ELAVL3: variants seen among roughly 807,000 people sequenced by gnomAD.
ELAVL3 encodes the protein ELAV like RNA binding protein 3, also known as ELAV-like protein 3.
Under a neutral mutation model 34.2 loss-of-function variants are expected in ELAVL3, and 8 were observed. The observed-to-expected ratio is 0.23, with a 90% CI of 0.14 to 0.42. The LOEUF (loss-of-function observed/expected upper bound fraction) is 0.42, where lower values mean the gene tolerates loss of function less well. Among genes scored for constraint, ELAVL3 ranks in the 10% least tolerant of loss-of-function variants. The probability of loss-of-function intolerance (pLI) is 1.00; values close to 1 mark genes in which losing one functional copy is unlikely to be tolerated. For synonymous variants in ELAVL3, 209 were observed against 222.1 expected (o/e 0.94, Z 0.53); for missense variants, 273 against 518.8 (o/e 0.53, Z 4.60).
intron 1 of ELAVL3, among the ~76,000 whole-genome samples, chr19:11,472,038 T>C (rs1047907270): frequency 6.6e-6 from 1 of 152,178 alleles, no homozygotes; most frequent in African/African-American, 2.4e-5. Flanking sequence ...CACATAGGTT[T>C]ACCCTCACTT....
At chr19:11,469,238 C>G (rs913467161) in intron 1 of ELAVL3, among the ~76,000 whole-genome samples, 1 of 151,186 alleles carries the variant, frequency 6.6e-6, no homozygotes, top group African/African-American at 2.4e-5. Flanking sequence ...CATTTTTTAG[C>G]TTTAATACAT....
rs1970683270 is a variant in ELAVL3, at chr19:11,452,866, G to A, written c.*1660C>T. The A allele has an allele frequency of 6.6e-6, 1 of 152,092 alleles. No individual in the cohort carries two copies. Among genetic ancestry groups the A allele is most frequent in the Non-Finnish European group, 1.5e-5 (1 of 68,012 alleles). 9.4% of individuals were successfully genotyped at this position (152,092 alleles called of 1,614,324 possible). ...TTTTTTAAAGAAAGAAAACTAGGGC[G>A]ATGCAATGTCCAGACAGAAGCCGGG... On this transcript the variant is annotated 3_prime_UTR_variant, in exon 7 of 7. Transcript: ENST00000359227.
Position 11,479,645 on chromosome 19 carries a change from G to A in ELAVL3, c.9+955C>T, listed in dbSNP as rs1041429502. On this transcript the variant is annotated intron_variant, in intron 1 of 6. Coordinates refer to ENST00000359227, the MANE Select transcript of ELAVL3 (RefSeq NM_001420.4). ...GCTCGGGCGAGGCCGGGCCCCCGGG[G>A]CCCTGGGGGCGGGGCCTAGATGGGC... Among the ~76,000 whole-genome samples, 83 of 151,706 alleles carry A rather than the reference G, an allele frequency of 5.5e-4. 1 individual carries two copies. The highest frequency in any genetic ancestry group is 2.0e-3 in the African/African-American group (81 of 41,452).
chr19:11,475,061 C>T (rs1170346192), intron 1 of ELAVL3, among the ~76,000 whole-genome samples: 2 of 152,128 alleles, frequency 1.3e-5, no homozygotes, highest in African/African-American at 4.8e-5. Flanking sequence ...CTCCTGATCT[C>T]GTGATCCACT....
chr19:11,461,871 C>T (rs1970892535), intron 3 of ELAVL3, among the ~76,000 whole-genome samples: 1 of 152,148 alleles, frequency 6.6e-6, no homozygotes, highest in Admixed American at 6.5e-5. Flanking sequence ...GAGTGTATGC[C>T]TCCATTAGAA....
At chr19:11,473,352 G>A (rs952781221) in intron 1 of ELAVL3, among the ~76,000 whole-genome samples, 3 of 152,022 alleles carry the variant, frequency 2.0e-5, no homozygotes, top group African/African-American at 2.4e-5. Flanking sequence ...GCGACAGAGC[G>A]AGACTCCCTC....
At position 11,454,131 on chromosome 19, in the gene ELAVL3, A is replaced by C; in HGVS notation, c.*395T>G. On this transcript the variant is annotated 3_prime_UTR_variant, in exon 7 of 7. Transcript: ENST00000359227. This position sits in a 1 kb window ranked among gnomAD's most constrained non-coding sequence, Gnocchi z 9.2. ...CCTAGGTGCTGGGGAGGCCTGGGCA[A>C]GGGGGTCTGGGAGGGCACCCCCTGG... The C allele has an allele frequency of 5.7e-6, 1 of 176,290 alleles. No individual in the cohort carries two copies. The highest frequency in any genetic ancestry group is 1.2e-5 in the Non-Finnish European group (1 of 82,546). 10.9% of individuals were successfully genotyped at this position (176,290 alleles called of 1,614,324 possible).
Position 11,458,695 on chromosome 19 carries a change from C to T in ELAVL3, c.334-84G>A, listed in dbSNP as rs1009692692. 1.9e-6 allele frequency: 3 copies of T among 1,545,770 alleles called. No individual in the cohort carries two copies. Among genetic ancestry groups the T allele is most frequent in the Non-Finnish European group, 2.6e-6 (3 of 1,138,598 alleles). ...GAGTGAGGCCATGTCTAAACCATCA[C>T]GGAGTTAGCAGAAGTGACCCATCCG... On this transcript the variant is annotated intron_variant, in intron 3 of 6. Coordinates refer to ENST00000359227, the MANE Select transcript of ELAVL3 (RefSeq NM_001420.4). This position sits in a 1 kb window ranked among gnomAD's most constrained non-coding sequence, Gnocchi z 7.3.
chr19:11,472,571 T>G (rs1360284517), intron 1 of ELAVL3, among the ~76,000 whole-genome samples: 1 of 150,064 alleles, frequency 6.7e-6, no homozygotes, highest in Admixed American at 6.7e-5. Flanking sequence ...CATGGTGGCT[T>G]GCACCTGTGG....
intron 3 of ELAVL3, among the ~76,000 whole-genome samples, chr19:11,465,294 A>C (rs866987271): frequency 1.0e-4 from 12 of 116,938 alleles, no homozygotes; most frequent in Admixed American, 5.5e-4. Context: ...CACACACACC[A>C]CACACACACA....
In ELAVL3 at chr19:11,457,103, C is replaced by G; in HGVS notation, c.752+7G>C. ...GGGTGGGGACAGTGGGGCGGGGTCA[C>G]TGTTACCTCTTGACGCCGTAGGCCA... On this transcript the variant is annotated splice_region_variant and intron_variant, in intron 6 of 6. Coordinates refer to ENST00000359227, the MANE Select transcript of ELAVL3 (RefSeq NM_001420.4). 1 of 1,527,868 alleles carries G rather than the reference C, an allele frequency of 6.5e-7. No individual in the cohort carries two copies. The highest frequency in any genetic ancestry group is 1.3e-5 in the South Asian group (1 of 76,888). The allele number at this position is 1,527,868 out of a possible 1,614,324, so 94.6% of individuals were successfully genotyped here. A position where few individuals can be genotyped will look rare whatever the true frequency, so the allele number is the denominator to read the frequency against.
At chr19:11,468,608 G>A (rs952959566) in intron 1 of ELAVL3, among the ~76,000 whole-genome samples, 1 of 151,352 alleles carries the variant, frequency 6.6e-6, no homozygotes, top group African/African-American at 2.4e-5. Flanking sequence ...TAGTAGAGAC[G>A]GGGTTTCACT....
At chr19:11,474,206 T>A (rs1302186338) in intron 1 of ELAVL3, among the ~76,000 whole-genome samples, 5 of 151,940 alleles carry the variant, frequency 3.3e-5, no homozygotes, top group South Asian at 2.1e-4. Flanking sequence ...CTAATTTTTT[T>A]AATTTTTTGT....
chr19:11,454,429 T>G lies in ELAVL3; in HGVS notation c.*97A>C. On this transcript the variant is annotated 3_prime_UTR_variant, in exon 7 of 7. Transcript: ENST00000359227. The surrounding 1 kb of genome is among the most constrained non-coding windows in gnomAD (Gnocchi z 9.2). Reference sequence around the variant, plus strand: ...CTCGCGTCGTCCGTGGGGCTGCCTGTGCTGTCTCTCTTGGGCCCCTTCTCT... The same window carrying G: ...CTCGCGTCGTCCGTGGGGCTGCCTGGGCTGTCTCTCTTGGGCCCCTTCTCT... The G allele has an allele frequency of 8.2e-7, 1 of 1,215,602 alleles. No homozygotes were observed. Among genetic ancestry groups the G allele is most frequent in the Non-Finnish European group, 1.1e-6 (1 of 894,600 alleles). The allele number at this position is 1,215,602 out of a possible 1,614,324, so 75.3% of individuals were successfully genotyped here. A position where few individuals can be genotyped will look rare whatever the true frequency, so the allele number is the denominator to read the frequency against.
At chr19:11,456,382 G>C (rs1218906358) in intron 6 of ELAVL3, among the ~76,000 whole-genome samples, 1 of 152,174 alleles carries the variant, frequency 6.6e-6, no homozygotes, top group Non-Finnish European at 1.5e-5. Flanking sequence ...GGGATTACAG[G>C]CGTGAGCCAC....
At chr19:11,461,179 TA>T (rs555482832) in intron 3 of ELAVL3, among the ~76,000 whole-genome samples, 79 of 142,918 alleles carry the variant, frequency 5.5e-4, no homozygotes, top group Admixed American at 6.3e-4. Context: ...ACCCTGTCTC[TA>T]AAAAAAAAAA....
rs549628629 is a variant in ELAVL3 at position 11,473,192 on chromosome 19, C to T, written c.10-6365G>A. Among the ~76,000 whole-genome samples the T allele has an allele frequency of 5.8e-4, 88 of 152,088 alleles. 1 individual carries two copies. Among genetic ancestry groups the T allele is most frequent in the African/African-American group, 2.0e-3 (83 of 41,508 alleles). ...CATCCTGGCTAACACGGCGAAACTC[C>T]GTCTTTACTAAAAATACAAAAAATT... On this transcript the variant is annotated intron_variant, in intron 1 of 6. Transcript: ENST00000359227.
At chr19:11,463,315 G>A (rs1599536228) in intron 3 of ELAVL3, among the ~76,000 whole-genome samples, 2 of 152,308 alleles carry the variant, frequency 1.3e-5, no homozygotes, top group South Asian at 2.1e-4. Flanking sequence ...CTGACTGACC[G>A]CGCAACACCG....
intron 1 of ELAVL3, among the ~76,000 whole-genome samples, chr19:11,469,840 T>C (rs1971128589): frequency 6.6e-6 from 1 of 152,140 alleles, no homozygotes; most frequent in Non-Finnish European, 1.5e-5. Context: ...GACGGATTGC[T>C]TGAGCTCAAG....
Sources: allele counts gnomAD v4.1 joint callset (sites outside exome capture counted in the v4.1 genomes callset), GRCh38; gene constraint gnomAD v4.1.1; non-coding constraint Gnocchi (gnomAD v3.1); transcripts MANE v1.5; gene names NCBI Gene and HGNC (gene_info 2026-07-23, HGNC 2026-07-21).